The following DDX59 variants were observed in gnomAD, a reference collection of about 807,000 sequenced individuals.
DDX59 encodes probable ATP-dependent RNA helicase DDX59.
In DDX59, 30 loss-of-function variants were observed where a neutral mutation model predicts 51.9. The observed-to-expected ratio is 0.58, with a 90% CI of 0.43 to 0.78. DDX59 has a LOEUF of 0.78. Among genes scored for constraint, DDX59 ranks in the 30% least tolerant of loss-of-function variants. The pLI is 0.00. For missense variants in DDX59, 672 were observed against 730.8 expected (o/e 0.92, Z 0.93); for synonymous variants, 255 against 253.3 (o/e 1.01, Z -0.06).
chr1:200,645,115 G>A (rs1050414416), intron 7 of DDX59, among the ~76,000 whole-genome samples: 3 of 152,110 alleles, frequency 2.0e-5, no homozygotes, highest in Admixed American at 1.3e-4. Context: ...ACCTGTATGG[G>A]TGGTGTTGGG....
chr1:200,645,488 A>G (rs77627940), intron 7 of DDX59, among the ~76,000 whole-genome samples: 1 of 152,146 alleles, frequency 6.6e-6, no homozygotes, highest in East Asian at 1.9e-4. Flanking sequence ...CATCTTGACC[A>G]GGCTGGTCTT....
chr1:200,649,827 C>G (rs1661538369), intron 5 of DDX59, among the ~76,000 whole-genome samples: 1 of 151,574 alleles, frequency 6.6e-6, no homozygotes, highest in Non-Finnish European at 1.5e-5. Flanking sequence ...CAATACCAAC[C>G]ATATTTAACT....
chr1:200,647,653 C>A (rs58642951), intron 7 of DDX59, among the ~76,000 whole-genome samples: 3 of 149,386 alleles, frequency 2.0e-5, no homozygotes, highest in African/African-American at 7.4e-5. Context: ...CTTTCAAAAA[C>A]AAAATTTAGT....
At chr1:200,666,854 T>C (rs1662798620) in intron 1 of DDX59, 103 bp from the exon 2 acceptor site, 1 of 1,217,642 alleles carries the variant, frequency 8.2e-7, no homozygotes, top group African/African-American at 1.5e-5. Flanking sequence ...ACCCCTGTAA[T>C]CCCAGCACTT....
At chr1:200,653,567 T>C (rs1319433431) in intron 4 of DDX59, among the ~76,000 whole-genome samples, 2 of 152,222 alleles carry the variant, frequency 1.3e-5, no homozygotes, top group Non-Finnish European at 2.9e-5. Context: ...CATCCTCCTC[T>C]GCTTAAACCC....
rs962009858 is a variant in DDX59 at position 200,669,852 on chromosome 1, A to G, written c.-97T>C. 1 of 152,386 alleles carries G rather than the reference A, an allele frequency of 6.6e-6. No homozygotes were observed. Among genetic ancestry groups the G allele is most frequent in the Non-Finnish European group, 1.5e-5 (1 of 68,308 alleles). 9.4% of individuals were successfully genotyped at this position (152,386 alleles called of 1,614,324 possible). On this transcript the variant is annotated 5_prime_UTR_variant, in exon 1 of 8. Transcript: ENST00000331314. ...GCTCCAGGCCAGGCTTCCGCCCGAC[A>G]AGCCCTGACCCGCTCGTCAGGACTG...
chr1:200,649,520 T>C (rs1436553835), intron 5 of DDX59, among the ~76,000 whole-genome samples: 1 of 150,196 alleles, frequency 6.7e-6, no homozygotes, highest in Non-Finnish European at 1.5e-5. Flanking sequence ...CCCCAGCTAC[T>C]CGGGAGGCTG....
At chr1:200,644,850 C>T (rs375367811) in intron 7 of DDX59, among the ~76,000 whole-genome samples, 7 of 134,508 alleles carry the variant, frequency 5.2e-5, no homozygotes, top group African/African-American at 2.0e-4. Context: ...GAGCTGAGAT[C>T]GTGCCACTGC....
rs969796515 is a variant in DDX59, at chr1:200,659,187, T to C, written c.973-71A>G. On this transcript the variant is annotated intron_variant, in intron 3 of 7. Coordinates refer to ENST00000331314, the MANE Select transcript of DDX59 (RefSeq NM_001031725.6). ...TTTTCATTCATTCATTCCATATTGA[T>C]TGAGCAACTAATATGTACCAGACAC... The C allele has an allele frequency of 2.7e-5, 32 of 1,186,362 alleles. No homozygotes were observed. In the African/African-American group the frequency reaches 2.7e-4, roughly 10 times the overall value. The allele number at this position is 1,186,362 out of a possible 1,614,324, so 73.5% of individuals were successfully genotyped here.
At chr1:200,656,105 C>A (rs1184208193) in intron 4 of DDX59, among the ~76,000 whole-genome samples, 1 of 152,230 alleles carries the variant, frequency 6.6e-6, no homozygotes, top group African/African-American at 2.4e-5. Flanking sequence ...ACTGGGATTA[C>A]AGGCGTGAGC....
chr1:200,648,376 T>C, intron 7 of DDX59, 63 bp downstream of exon 7: 1 of 1,597,870 alleles, frequency 6.3e-7, no homozygotes, highest in Non-Finnish European at 8.5e-7. Context: ...GGTTATCACA[T>C]TGACAATGCC....
At position 200,661,567 on chromosome 1, in the gene DDX59, G is replaced by T. The variant is rs114004908; in HGVS notation, c.972+2352C>A. ...AATCAAATGAGGGATGTTCTTCAAA[G>T]TAAGTGGCTTGTAAACCTTAAAAGG... is the stretch of plus-strand genomic sequence containing the variant. On this transcript the variant is annotated intron_variant, in intron 3 of 7. Coordinates refer to ENST00000331314, the MANE Select transcript of DDX59 (RefSeq NM_001031725.6). 5.5e-3 allele frequency among the ~76,000 whole-genome samples: 831 copies of T among 152,272 alleles called. 5 individuals carry two copies. Among genetic ancestry groups the T allele is most frequent in the African/African-American group, 0.019 (783 of 41,560 alleles).
At chr1:200,647,923 G>A (rs1272400207) in intron 7 of DDX59, among the ~76,000 whole-genome samples, 16 of 148,706 alleles carry the variant, frequency 1.1e-4, no homozygotes, top group African/African-American at 3.2e-4. Context: ...GCAGTGAGCC[G>A]AGATCATGCC....
chr1:200,666,142 C>G lies in DDX59; in HGVS notation c.599G>C (p.Arg200Thr), dbSNP rs1431320048. ...GILVQGQEVT[R>T]PIIDFEHCSL... ...ACAATGTTCAAAGTCAATAATGGGC[C>G]TGGTGACTTCTTGCCCTTGAACTAA... The change falls in exon 2 of 8, where the codon AGG (arginine) becomes ACG (threonine). Residue 200 changes from arginine to threonine, a missense_variant. Transcript: ENST00000331314. The G allele has an allele frequency of 1.9e-6, 3 of 1,614,034 alleles. No individual in the cohort carries two copies. The highest frequency in any genetic ancestry group is 2.5e-6 in the Non-Finnish European group (3 of 1,180,046).
intron 3 of DDX59, among the ~76,000 whole-genome samples, chr1:200,663,687 T>C (rs1662519801): frequency 6.6e-6 from 1 of 151,946 alleles, no homozygotes; most frequent in Non-Finnish European, 1.5e-5. Flanking sequence ...AGATAATGCA[T>C]GTCAGAACAT....
chr1:200,646,321 G>GAGACC (rs1048206507), intron 7 of DDX59, among the ~76,000 whole-genome samples: 2 of 151,784 alleles, frequency 1.3e-5, no homozygotes, highest in Non-Finnish European at 2.9e-5. Flanking sequence ...GCAACAGAAG[G>GAGACC]AGACCCCGTC....
chr1:200,661,046 G>A (rs567171175), intron 3 of DDX59, among the ~76,000 whole-genome samples: 1 of 152,196 alleles, frequency 6.6e-6, no homozygotes, highest in African/African-American at 2.4e-5. Context: ...AATAAACCAG[G>A]GCTCCTTGGA....
intron 5 of DDX59, among the ~76,000 whole-genome samples, chr1:200,649,788 T>G (rs1046308337): frequency 1.3e-5 from 2 of 152,188 alleles, no homozygotes. Flanking sequence ...TAAGTGCGAT[T>G]AATGTAGCTC....
chr1:200,666,042 C>T lies in DDX59; in HGVS notation c.699G>A (p.Met233Ile). Residue 233 changes from methionine (M) to isoleucine (I), a missense_variant, in exon 2 of 8, where the codon ATG (methionine) becomes ATA (isoleucine). Met to Ile is a conservative substitution (Grantham distance 10). Coordinates refer to ENST00000331314, the MANE Select transcript of DDX59 (RefSeq NM_001031725.6). ...YEVPTPIQMQ[M>I]IPVGLLGRDI... ...CTCTTCCCAGAAGTCCCACAGGAAT[C>T]ATCTGCATTTGAATGGGAGTTGGCA... 5 of 1,614,206 alleles carry T rather than the reference C, an allele frequency of 3.1e-6. No homozygotes were observed. Among genetic ancestry groups the T allele is most frequent in the Non-Finnish European group, 4.2e-6 (5 of 1,180,040 alleles).
Sources: gnomAD v4.1 joint callset for allele counts (sites outside exome capture counted in the v4.1 genomes callset) on GRCh38, gnomAD v4.1.1 for gene constraint, MANE v1.5 for transcripts, NCBI Gene and HGNC (gene_info 2026-07-23, HGNC 2026-07-21) for gene names.